The following MSI2 variants were observed in gnomAD, a reference collection of about 807,000 sequenced individuals.
MSI2 encodes musashi RNA binding protein 2.
A neutral mutation model predicts 45.6 loss-of-function variants in MSI2; 17 were observed. The ratio of observed to expected loss-of-function variants is 0.37; its 90% CI spans 0.26 to 0.56. MSI2 has a LOEUF of 0.56. MSI2 is among the 20% of genes least tolerant of loss of function. The probability of loss-of-function intolerance (pLI) is 0.77; values close to 1 mark genes in which losing one functional copy is unlikely to be tolerated. For missense variants in MSI2, 293 were observed against 444.2 expected (o/e 0.66, Z 3.06); for synonymous variants, 156 against 158.2 (o/e 0.99, Z 0.11).
chr17:57,665,511 G>A (rs926662927), intron 11 of MSI2, among the ~76,000 whole-genome samples: 4 of 152,200 alleles, frequency 2.6e-5, no homozygotes, highest in African/African-American at 9.7e-5. Flanking sequence ...AAACTCCTGT[G>A]CTTTTATAAT....
At chr17:57,436,609 G>A (rs2084695202) in intron 6 of MSI2, among the ~76,000 whole-genome samples, 1 of 152,212 alleles carries the variant, frequency 6.6e-6, no homozygotes, top group Non-Finnish European at 1.5e-5. Flanking sequence ...GGGCAGAGGA[G>A]CCCCTGGGTC....
intron 8 of MSI2, among the ~76,000 whole-genome samples, chr17:57,613,998 A>C (rs538373340): frequency 6.6e-6 from 1 of 152,284 alleles, no homozygotes; most frequent in Admixed American, 6.5e-5. Context: ...TTGGGATGTG[A>C]GTATCTCCAA....
intron 7 of MSI2, among the ~76,000 whole-genome samples, chr17:57,563,746 G>GCACACACACACACACACACACACACA (rs61342598): frequency 7.2e-6 from 1 of 139,294 alleles, no homozygotes. Flanking sequence ...ACACAGGCGC[G>GCACACACACACACACACACACACACA]CACACACACA....
intron 5 of MSI2, among the ~76,000 whole-genome samples, chr17:57,377,633 G>A (rs2083521707): frequency 6.6e-6 from 1 of 152,106 alleles, no homozygotes; most frequent in African/African-American, 2.4e-5. Context: ...TTCTGCAAAT[G>A]GCAGAATTTG....
At chr17:57,416,749 C>T (rs149576243) in intron 6 of MSI2, among the ~76,000 whole-genome samples, 9 of 152,212 alleles carry the variant, frequency 5.9e-5, no homozygotes, top group African/African-American at 2.2e-4. Flanking sequence ...AAGGGAGTTC[C>T]TGGGGTTGGG....
chr17:57,596,789 GT>G lies in MSI2; in HGVS notation c.455-78del. The stretch of plus-strand genomic sequence containing the variant: ...CAGGAGGCTGTCAAGACCTCAGGAC[GT>G]CAGAGAAAAACCTGGGCCTGCCAGA... On this transcript the variant is annotated intron_variant, in intron 7 of 13. Transcript: ENST00000284073. This position sits in a 1 kb window ranked among gnomAD's most constrained non-coding sequence, Gnocchi z 4.6. 1 of 987,674 alleles carries G rather than the reference GT, an allele frequency of 1.0e-6. No homozygotes were observed. Among genetic ancestry groups the G allele is most frequent in the Non-Finnish European group, 1.6e-6 (1 of 620,104 alleles). 61.2% of individuals were successfully genotyped at this position (987,674 alleles called of 1,614,324 possible).
chr17:57,359,101 CG>C (rs1353931443), intron 5 of MSI2, among the ~76,000 whole-genome samples: 1 of 151,708 alleles, frequency 6.6e-6, no homozygotes, highest in African/African-American at 2.4e-5. Context: ...TCCTTTCTCC[CG>C]CCACTCCCGG....
chr17:57,643,273 G>A (rs1910389912), intron 10 of MSI2, among the ~76,000 whole-genome samples: 3 of 152,232 alleles, frequency 2.0e-5, no homozygotes, highest in African/African-American at 7.2e-5. Context: ...AGAGAGACTG[G>A]AGGAAGGCGT....
At chr17:57,577,820 T>C (rs1439528590) in intron 7 of MSI2, among the ~76,000 whole-genome samples, 1 of 152,198 alleles carries the variant, frequency 6.6e-6, no homozygotes, top group African/African-American at 2.4e-5. Context: ...GCTGAGTAAG[T>C]GTTTCTGCGT....
intron 6 of MSI2, among the ~76,000 whole-genome samples, chr17:57,436,149 G>A (rs2084686904): frequency 6.6e-6 from 1 of 152,220 alleles, no homozygotes; most frequent in Non-Finnish European, 1.5e-5. Flanking sequence ...GTGGTTCCGA[G>A]CTTTGGAATG....
At chr17:57,692,333 G>A in the MSI2 span, among the ~76,000 whole-genome samples, 1 of 152,014 alleles carries the variant, frequency 6.6e-6, no homozygotes, top group South Asian at 2.1e-4. Context: ...GAATAGTGAT[G>A]GCCACATAAA....
chr17:57,285,712 G>A (rs879564868), intron 5 of MSI2: 17 of 609,334 alleles, frequency 2.8e-5, no homozygotes, highest in Admixed American at 3.9e-5. Flanking sequence ...TTACAGGAAC[G>A]TCTCCCCAAG....
At chr17:57,632,341 A>G in intron 10 of MSI2, 1 of 1,066,658 alleles carries the variant, frequency 9.4e-7, no homozygotes, top group Non-Finnish European at 1.1e-6. Context: ...AATGTGAGAA[A>G]CCTGATCTGG....
At chr17:57,568,503 C>T (rs2087792841) in intron 7 of MSI2, among the ~76,000 whole-genome samples, 1 of 152,164 alleles carries the variant, frequency 6.6e-6, no homozygotes, top group Admixed American at 6.5e-5. Flanking sequence ...AGAAGGTGGT[C>T]GACCCCCAAA....
intron 10 of MSI2, among the ~76,000 whole-genome samples, chr17:57,649,777 G>T (rs1019883662): frequency 6.6e-6 from 1 of 152,220 alleles, no homozygotes; most frequent in Non-Finnish European, 1.5e-5. Flanking sequence ...CAGCAGAAGG[G>T]GGCCAGGAGG....
intron 5 of MSI2, among the ~76,000 whole-genome samples, chr17:57,298,562 G>A (rs1225644503): frequency 6.6e-6 from 1 of 152,188 alleles, no homozygotes; most frequent in Non-Finnish European, 1.5e-5. Context: ...TCGGGAGGCT[G>A]AGGCAGGAGA....
chr17:57,334,537 T>C (rs1289117457), intron 5 of MSI2, among the ~76,000 whole-genome samples: 2 of 152,186 alleles, frequency 1.3e-5, no homozygotes, highest in Non-Finnish European at 1.5e-5. Context: ...CTCATGCCTG[T>C]AATCCCAGCA....
intron 5 of MSI2, chr17:57,264,585 G>T (rs9894517): frequency 0.18 from 27,462 of 152,178 alleles, 3,246 homozygotes; most frequent in African/African-American, 0.34. Context: ...TAATAATAAT[G>T]ATACTAGTTG....
intron 6 of MSI2, among the ~76,000 whole-genome samples, chr17:57,421,967 TTAA>T (rs1174905190): frequency 8.5e-5 from 13 of 152,232 alleles, no homozygotes; most frequent in Admixed American, 2.6e-4. Flanking sequence ...ATTTTGGGCT[TTAA>T]TTACACAGTG....
Sources: allele counts gnomAD v4.1 joint callset (sites outside exome capture counted in the v4.1 genomes callset), GRCh38; gene constraint gnomAD v4.1.1; non-coding constraint Gnocchi (gnomAD v3.1); transcripts MANE v1.5; gene names NCBI Gene and HGNC (gene_info 2026-07-23, HGNC 2026-07-21).